The following LARP4 variants were observed in gnomAD, a reference collection of about 807,000 sequenced individuals.
The protein encoded by LARP4 is La ribonucleoprotein 4.
LARP4 carries 29 observed loss-of-function variants against 92.9 expected under a neutral mutation model. The observed-to-expected ratio is 0.31, with a 90% CI of 0.23 to 0.43. The LOEUF (loss-of-function observed/expected upper bound fraction) is 0.43, where lower values mean the gene tolerates loss of function less well. LARP4 is among the 20% of genes least tolerant of loss of function. LARP4 has a pLI of 1.00. For missense variants in LARP4, 732 were observed against 860.0 expected (o/e 0.85, Z 1.86); for synonymous variants, 279 against 284.1 (o/e 0.98, Z 0.18).
chr12:50,476,702 A>G lies in LARP4; in HGVS notation c.*838A>G, dbSNP rs576444525. ...CCTGTGATTCCCCCGAATACCCCCA[A>G]AATGAGAAACAAAATTTTTTTTCTT... is the stretch of plus-strand genomic sequence containing the variant. On this transcript the variant is annotated 3_prime_UTR_variant, in exon 16 of 16. Coordinates refer to ENST00000398473, the MANE Select transcript of LARP4 (RefSeq NM_052879.5). The G allele has an allele frequency of 4.8e-4, 74 of 152,732 alleles. 1 individual carries two copies. Among genetic ancestry groups the G allele is most frequent in the African/African-American group, 1.7e-3 (70 of 41,580 alleles). The allele number at this position is 152,732 out of a possible 1,614,324, so 9.5% of individuals were successfully genotyped here. A position where few individuals can be genotyped will look rare whatever the true frequency, so the allele number is the denominator to read the frequency against.
chr12:50,426,617 T>G (rs1404734865), intron 1 of LARP4, among the ~76,000 whole-genome samples: 1 of 150,866 alleles, frequency 6.6e-6, no homozygotes, highest in African/African-American at 2.4e-5. Flanking sequence ...CTTCCACCAT[T>G]TCAAGGCTCA....
chr12:50,424,533 T>G (rs1485904644), intron 1 of LARP4, among the ~76,000 whole-genome samples: 1 of 151,972 alleles, frequency 6.6e-6, no homozygotes, highest in East Asian at 2.0e-4. Context: ...TGATTTTGTA[T>G]TTTAAGTAGA....
chr12:50,451,910 A>G (rs1953266953), intron 8 of LARP4, among the ~76,000 whole-genome samples: 1 of 152,112 alleles, frequency 6.6e-6, no homozygotes, highest in African/African-American at 2.4e-5. Flanking sequence ...AGGCTGAGGC[A>G]GGAAAATCAT....
intron 12 of LARP4, among the ~76,000 whole-genome samples, chr12:50,465,376 A>AG (rs1956017164): frequency 6.6e-6 from 1 of 151,392 alleles, no homozygotes; most frequent in Non-Finnish European, 1.5e-5. Context: ...TGTCTCAAAA[A>AG]AAAAAAAAAA....
At chr12:50,460,094 C>G (rs1484648042) in intron 10 of LARP4, among the ~76,000 whole-genome samples, 1 of 151,434 alleles carries the variant, frequency 6.6e-6, no homozygotes, top group Non-Finnish European at 1.5e-5. Context: ...GAGATTGCAC[C>G]ACTGCGCTCC....
At position 50,477,067 on chromosome 12, in the gene LARP4, A is replaced by ATTT. The variant is rs1957586624; in HGVS notation, c.*1203_*1204insTTT. The ATTT allele has an allele frequency of 1.3e-5, 2 of 152,522 alleles. No homozygotes were observed. Among genetic ancestry groups the ATTT allele is most frequent in the African/African-American group, 2.4e-5 (1 of 41,436 alleles). 9.4% of individuals were successfully genotyped at this position (152,522 alleles called of 1,614,324 possible). ...TGGGAGGGGGGACTTATTTCTGTTT[A>ATTT]CAGTGTATTACCTTCCTTCCCTCCT... On this transcript the variant is annotated 3_prime_UTR_variant, in exon 16 of 16. Transcript: ENST00000398473.
intron 1 of LARP4, among the ~76,000 whole-genome samples, chr12:50,422,719 T>C (rs1158505749): frequency 6.6e-6 from 1 of 150,838 alleles, no homozygotes; most frequent in Non-Finnish European, 1.5e-5. Flanking sequence ...AAATATGAGT[T>C]GAATCATTTT....
At chr12:50,409,377 T>C (rs1260693836) in intron 1 of LARP4, among the ~76,000 whole-genome samples, 1 of 152,028 alleles carries the variant, frequency 6.6e-6, no homozygotes, top group African/African-American at 2.4e-5. Context: ...AATAAAACAT[T>C]TAGAGTTGTA....
intron 1 of LARP4, among the ~76,000 whole-genome samples, chr12:50,416,989 T>C (rs1275586884): frequency 6.6e-6 from 1 of 151,960 alleles, no homozygotes; most frequent in African/African-American, 2.4e-5. Flanking sequence ...ACTCTTCTGC[T>C]TAATTTAGCC....
At chr12:50,434,754 C>T (rs1950174039) in intron 4 of LARP4, among the ~76,000 whole-genome samples, 2 of 151,602 alleles carry the variant, frequency 1.3e-5, no homozygotes, top group South Asian at 4.2e-4. Context: ...ATTTAAAACA[C>T]GTATTTTGGA....
intron 1 of LARP4, among the ~76,000 whole-genome samples, chr12:50,411,333 C>G (rs1443267933): frequency 1.3e-5 from 2 of 151,952 alleles, no homozygotes; most frequent in African/African-American, 2.4e-5. Context: ...AGGCACCTGC[C>G]TTTTTGTATT....
intron 6 of LARP4, among the ~76,000 whole-genome samples, chr12:50,439,993 G>T (rs1295639188): frequency 6.6e-6 from 1 of 152,224 alleles, no homozygotes; most frequent in Non-Finnish European, 1.5e-5. Context: ...GTATTGCCTA[G>T]AAAATGTTAA....
At chr12:50,445,346 G>A (rs1398381225) in intron 8 of LARP4, among the ~76,000 whole-genome samples, 2 of 152,102 alleles carry the variant, frequency 1.3e-5, no homozygotes, top group African/African-American at 4.8e-5. Flanking sequence ...TGTATATGAT[G>A]TGTCCTTTTT....
intron 1 of LARP4, among the ~76,000 whole-genome samples, chr12:50,413,095 C>T (rs772923507): frequency 6.6e-6 from 1 of 151,822 alleles, no homozygotes; most frequent in Admixed American, 6.6e-5. Context: ...TGGTGGTGGG[C>T]GCCTGTGATC....
In LARP4 at chr12:50,467,345, TAAA is replaced by T. The variant is rs1565741756; in HGVS notation, c.1545+226_1545+228del. On this transcript the variant is annotated intron_variant, in intron 13 of 15. Coordinates refer to ENST00000398473, the MANE Select transcript of LARP4 (RefSeq NM_052879.5). Reference sequence around the variant, plus strand: ...TGCATGTCTTTGTTTTTTTTTTTTTTAAAGACATGATCTTAGCTCACTGCAACC... The same window carrying T: ...TGCATGTCTTTGTTTTTTTTTTTTTTGACATGATCTTAGCTCACTGCAACC... 2.6e-5 allele frequency among the ~76,000 whole-genome samples: 4 copies of T among 151,756 alleles called. No homozygotes were observed. In the East Asian group the frequency reaches 7.7e-4, roughly 29 times the overall value.
intron 1 of LARP4, among the ~76,000 whole-genome samples, chr12:50,423,982 C>T (rs927934265): frequency 1.3e-5 from 2 of 152,144 alleles, no homozygotes; most frequent in African/African-American, 4.8e-5. Context: ...TCTTGAACTC[C>T]TGACCTCAGG....
At chr12:50,442,951 GTC>G (rs1951449547) in intron 8 of LARP4, among the ~76,000 whole-genome samples, 1 of 152,108 alleles carries the variant, frequency 6.6e-6, no homozygotes, top group South Asian at 2.1e-4. Context: ...TACTTCCTCT[GTC>G]TATGATGTTC....
chr12:50,460,164 TG>T (rs1955116160), intron 10 of LARP4, among the ~76,000 whole-genome samples: 1 of 150,884 alleles, frequency 6.6e-6, no homozygotes, highest in Admixed American at 6.6e-5. Flanking sequence ...AGAAGAAGAA[TG>T]CATTGCATAG....
chr12:50,457,643 G>A (rs1476552178), intron 10 of LARP4, among the ~76,000 whole-genome samples: 1 of 151,902 alleles, frequency 6.6e-6, no homozygotes, highest in African/African-American at 2.4e-5. Context: ...GTGAAACCTC[G>A]TCTCTACTGA....
Sources: gnomAD v4.1 joint callset for allele counts (sites outside exome capture counted in the v4.1 genomes callset) on GRCh38, gnomAD v4.1.1 for gene constraint, MANE v1.5 for transcripts, NCBI Gene and HGNC (gene_info 2026-07-23, HGNC 2026-07-21) for gene names.